LRRK2: variants seen among roughly 807,000 people sequenced by gnomAD.
LRRK2 encodes leucine rich repeat kinase 2, also known as leucine-rich repeat serine/threonine-protein kinase 2.
A neutral mutation model predicts 302.6 loss-of-function variants in LRRK2; 203 were observed. The observed-to-expected ratio is 0.67, with a 90% CI of 0.60 to 0.75. LRRK2 has a LOEUF of 0.75. Ranked by LOEUF, LRRK2 falls within the 30% of genes least tolerant of loss-of-function variation. LRRK2 has a pLI of 0.00. For missense variants in LRRK2, 2,830 were observed against 2,951.0 expected (o/e 0.96, Z 0.95); for synonymous variants, 1,066 against 1,031.9 (o/e 1.03, Z -0.63).
intron 22 of LRRK2, among the ~76,000 whole-genome samples, chr12:40,295,200 TTTTC>T (rs1405178422): frequency 3.3e-5 from 5 of 151,880 alleles, no homozygotes; most frequent in African/African-American, 7.2e-5. Flanking sequence ...TCTCCTCCAG[TTTTC>T]TTTCTTTCTT....
chr12:40,338,241 C>T (rs1945933656), intron 40 of LRRK2, among the ~76,000 whole-genome samples: 1 of 152,126 alleles, frequency 6.6e-6, no homozygotes, highest in Non-Finnish European at 1.5e-5. Flanking sequence ...TGAGCACAAT[C>T]CTTCTGGATT....
intron 20 of LRRK2, among the ~76,000 whole-genome samples, chr12:40,288,870 T>C (rs1944033823): frequency 1.3e-5 from 2 of 151,942 alleles, no homozygotes; most frequent in African/African-American, 4.8e-5. Flanking sequence ...TCTTTTCATT[T>C]TACTAATTCT....
intron 13 of LRRK2, among the ~76,000 whole-genome samples, chr12:40,261,978 G>C (rs1379641081): frequency 6.6e-6 from 1 of 152,066 alleles, no homozygotes; most frequent in African/African-American, 2.4e-5. Context: ...TGAAGACCCA[G>C]TTACTTTAAT....
rs556641218 is a variant in LRRK2, at chr12:40,348,995, G to C, written c.6381+486G>C. On this transcript the variant is annotated intron_variant, in intron 43 of 50. Coordinates refer to ENST00000298910, the MANE Select transcript of LRRK2 (RefSeq NM_198578.4). ...GTTATTCCTATTTGGTCCTGTTGTA[G>C]AGCCCATCTTTCTTTTAGAGCTACA... 1.6e-3 allele frequency among the ~76,000 whole-genome samples: 245 copies of C among 151,944 alleles called. 3 individuals are homozygous for C. The Middle Eastern group carries it at 0.017, about 11-fold the overall frequency.
intron 7 of LRRK2, among the ~76,000 whole-genome samples, chr12:40,244,894 A>G (rs144696935): frequency 6.6e-6 from 1 of 151,872 alleles, no homozygotes; most frequent in South Asian, 2.1e-4. Context: ...AATAATTTTA[A>G]AAAAAAGGAG....
chr12:40,230,009 A>G (rs1484934118), intron 2 of LRRK2, among the ~76,000 whole-genome samples: 4 of 39,472 alleles, frequency 1.0e-4, no homozygotes, highest in African/African-American at 2.4e-4. Flanking sequence ...TCAGAATGTT[A>G]TTTTCTTAAA....
At position 40,243,642 on chromosome 12, in the gene LRRK2, C is replaced by G. The variant is rs1941841825; in HGVS notation, c.799C>G (p.Gln267Glu). 6.2e-7 allele frequency: 1 copy of G among 1,611,932 alleles called. No individual in the cohort carries two copies. Among genetic ancestry groups the G allele is most frequent in the Non-Finnish European group, 8.5e-7 (1 of 1,178,616 alleles). Reference sequence around the variant, plus strand: ...AGCATTCCCTATGAGTGAAAGAATTCAAGAAGTGAGTTGCTGTTTGCTCCA... The same window carrying G: ...AGCATTCCCTATGAGTGAAAGAATTGAAGAAGTGAGTTGCTGTTTGCTCCA... ...MKAFPMSERI[Q>E]EVSCCLLHRL... The change falls in exon 7 of 51, where the codon CAA becomes GAA. Residue 267 changes from glutamine (Q) to glutamate (E), a missense_variant. By Grantham distance (29) the Gln-to-Glu change is conservative (BLOSUM62 2). This residue lies in a region of LRRK2 where 2,121 missense variants were observed against 2,148.0 expected (regional missense o/e 0.99). Transcript: ENST00000298910.
intron 2 of LRRK2, among the ~76,000 whole-genome samples, chr12:40,228,154 C>T (rs1940990811): frequency 6.6e-6 from 1 of 152,094 alleles, no homozygotes; most frequent in Non-Finnish European, 1.5e-5. Context: ...TTTAAGATAC[C>T]TCCATACTGT....
Position 40,348,235 on chromosome 12 carries a change from G to T in LRRK2, c.6281-174G>T, listed in dbSNP as rs559054256. Among the ~76,000 whole-genome samples the T allele has an allele frequency of 4.6e-5, 7 of 152,174 alleles. No individual in the cohort carries two copies. The South Asian group carries it at 1.5e-3, about 32-fold the overall frequency. ...AAAATCTTTTCCACATCTCTTAGTG[G>T]AGATCAAGTTAACAAAATTAGCTTT... On this transcript the variant is annotated intron_variant, in intron 42 of 50. Coordinates refer to ENST00000298910, the MANE Select transcript of LRRK2 (RefSeq NM_198578.4).
chr12:40,250,359 G>A (rs774140189), intron 8 of LRRK2, among the ~76,000 whole-genome samples: 1 of 151,806 alleles, frequency 6.6e-6, no homozygotes, highest in African/African-American at 2.4e-5. Flanking sequence ...GCATGGTGGC[G>A]GGCACCTATA....
chr12:40,280,235 G>A (rs1943629891), intron 18 of LRRK2, among the ~76,000 whole-genome samples: 1 of 152,112 alleles, frequency 6.6e-6, no homozygotes, highest in Admixed American at 6.5e-5. Flanking sequence ...AGGATCACTT[G>A]AGCCAGGAGT....
chr12:40,322,009 T>TA (rs1207985154), intron 35 of LRRK2, 26 bp from the exon 36 acceptor site: 1 of 1,612,444 alleles, frequency 6.2e-7, no homozygotes, highest in Non-Finnish European at 8.5e-7. Context: ...AGGAAGCAGT[T>TA]AATAATTAAT....
intron 18 of LRRK2, among the ~76,000 whole-genome samples, chr12:40,280,621 T>TTAAATAAAA (rs147801391): frequency 0.15 from 20,310 of 132,526 alleles, 1,840 homozygotes; most frequent in South Asian, 0.19. Context: ...CCAGACCCTG[T>TTAAATAAAA]TAAAATAAAA....
intron 41 of LRRK2, among the ~76,000 whole-genome samples, chr12:40,346,275 G>A (rs903926557): frequency 6.6e-6 from 1 of 151,900 alleles, no homozygotes; most frequent in African/African-American, 2.4e-5. Context: ...GAAATAATGA[G>A]AGTGTTAGAA....
chr12:40,259,972 C>T (rs1365377905), intron 13 of LRRK2, among the ~76,000 whole-genome samples: 1 of 151,896 alleles, frequency 6.6e-6, no homozygotes, highest in South Asian at 2.1e-4. Context: ...CATACCTGTT[C>T]TCTTCCTTCA....
chr12:40,362,730 G>T (rs1592347829), intron 47 of LRRK2, among the ~76,000 whole-genome samples: 1 of 151,968 alleles, frequency 6.6e-6, no homozygotes, highest in South Asian at 2.1e-4. Context: ...GTGGCCCAAG[G>T]TAGCCAATCT....
At chr12:40,355,408 G>T (rs1354972838) in intron 45 of LRRK2, among the ~76,000 whole-genome samples, 2 of 151,998 alleles carry the variant, frequency 1.3e-5, no homozygotes, top group Non-Finnish European at 2.9e-5. Flanking sequence ...GGGAGCAGTT[G>T]TCAATGTGAT....
chr12:40,265,950 T>A (rs541615718), intron 14 of LRRK2, among the ~76,000 whole-genome samples: 357 of 152,344 alleles, frequency 2.3e-3, no homozygotes, highest in Admixed American at 3.7e-3. Flanking sequence ...GCTAGCCATA[T>A]GTAGAAAGCT....
intron 11 of LRRK2, 69 bp downstream of exon 11, chr12:40,253,085 A>G: frequency 2.0e-6 from 2 of 984,630 alleles, no homozygotes; most frequent in South Asian, 2.7e-5. Context: ...TATAGAAGCT[A>G]TATACTGTGA....
Sources: allele counts gnomAD v4.1 joint callset (sites outside exome capture counted in the v4.1 genomes callset), GRCh38; gene constraint gnomAD v4.1.1; regional missense constraint gnomAD v4.1.1; transcripts MANE v1.5; gene names NCBI Gene and HGNC (gene_info 2026-07-23, HGNC 2026-07-21).